The following PEAK1 variants were observed in gnomAD, a reference collection of about 807,000 sequenced individuals.
PEAK1 encodes the protein pseudopodium enriched atypical kinase 1.
In PEAK1, 54 loss-of-function variants were observed where a neutral mutation model predicts 124.7. That is an observed-to-expected ratio of 0.43 (90% CI 0.35 to 0.54). The LOEUF (loss-of-function observed/expected upper bound fraction) is 0.54, where lower values mean the gene tolerates loss of function less well. PEAK1 is among the 20% of genes least tolerant of loss of function. The pLI is 0.01. For synonymous variants in PEAK1, 719 were observed against 760.0 expected, an observed-to-expected ratio of 0.95 and a Z score of 0.89; for missense variants, 2,046 against 2,134.5, an observed-to-expected ratio of 0.96 and a Z score of 0.82.
At chr15:77,332,933 G>T in intron 2 of PEAK1, 1 of 351,000 alleles carries the variant, frequency 2.8e-6, no homozygotes, top group Non-Finnish European at 4.0e-6. Context: ...ACATTTATTG[G>T]TTGATTTTGT....
At chr15:77,364,271 A>T (rs2068082195) in intron 2 of PEAK1, among the ~76,000 whole-genome samples, 1 of 152,198 alleles carries the variant, frequency 6.6e-6, no homozygotes. Context: ...AATATAATAA[A>T]AACTATTGAA....
chr15:77,391,305 C>T (rs553733265), intron 1 of PEAK1, among the ~76,000 whole-genome samples: 1 of 152,140 alleles, frequency 6.6e-6, no homozygotes, highest in South Asian at 2.1e-4. Context: ...ACATACCATT[C>T]ATTCAACAGT....
At chr15:77,357,542 G>A (rs1370848945) in intron 2 of PEAK1, among the ~76,000 whole-genome samples, 1 of 152,024 alleles carries the variant, frequency 6.6e-6, no homozygotes, top group Non-Finnish European at 1.5e-5. Context: ...CCAAAGTGCT[G>A]GAATTACAGG....
intron 6 of PEAK1, among the ~76,000 whole-genome samples, chr15:77,251,756 C>T (rs751872071): frequency 1.3e-5 from 2 of 150,770 alleles, no homozygotes; most frequent in Non-Finnish European, 1.5e-5. Context: ...TGTGAATGTA[C>T]TGTTGCCATG....
intron 2 of PEAK1, among the ~76,000 whole-genome samples, chr15:77,356,863 G>T (rs1460938646): frequency 6.6e-6 from 1 of 152,188 alleles, no homozygotes; most frequent in African/African-American, 2.4e-5. Context: ...CTAAATGCTG[G>T]TTACATAAAT....
chr15:77,404,774 G>A, intron 1 of PEAK1: 1 of 967,672 alleles, frequency 1.0e-6, no homozygotes, highest in African/African-American at 1.8e-5. Context: ...AAAAAGAGCA[G>A]GTTATCAGAT....
chr15:77,206,012 T>G (rs867881841), intron 6 of PEAK1, among the ~76,000 whole-genome samples: 1,742 of 124,072 alleles, frequency 0.014, 33 homozygotes, highest in African/African-American at 0.049. Flanking sequence ...GAGTGTGATA[T>G]TCCCCTTCCT....
chr15:77,145,293 C>CA (rs2054095280), intron 8 of PEAK1, among the ~76,000 whole-genome samples: 1 of 152,014 alleles, frequency 6.6e-6, no homozygotes, highest in South Asian at 2.1e-4. Flanking sequence ...CACTAAAATA[C>CA]AAAAAATTAG....
intron 1 of PEAK1, among the ~76,000 whole-genome samples, chr15:77,389,028 T>A (rs2070221088): frequency 1.3e-5 from 2 of 151,220 alleles, no homozygotes; most frequent in South Asian, 2.1e-4. Context: ...AATGGTGCTA[T>A]CTTGGCTCAC....
intron 9 of PEAK1, among the ~76,000 whole-genome samples, chr15:77,131,430 T>C (rs933842289): frequency 3.3e-5 from 5 of 152,100 alleles, no homozygotes; most frequent in African/African-American, 1.2e-4. Flanking sequence ...GAGGCAGAGG[T>C]TGCTGTGAGC....
chr15:77,263,996 C>G (rs1055989509), intron 5 of PEAK1, among the ~76,000 whole-genome samples: 1 of 151,846 alleles, frequency 6.6e-6, no homozygotes, highest in Non-Finnish European at 1.5e-5. Context: ...ACAGAACCAA[C>G]GACAAAAACC....
intron 6 of PEAK1, among the ~76,000 whole-genome samples, chr15:77,186,073 CA>C (rs1286453304): frequency 6.6e-6 from 1 of 152,024 alleles, no homozygotes; most frequent in Admixed American, 6.5e-5. Flanking sequence ...CTCAGAAAAG[CA>C]TAAAGAAAAT....
At chr15:77,314,853 G>GA (rs1403073895) in intron 2 of PEAK1, among the ~76,000 whole-genome samples, 3 of 152,084 alleles carry the variant, frequency 2.0e-5, no homozygotes, top group Non-Finnish European at 4.4e-5. Flanking sequence ...AAAAAAACTT[G>GA]AAAATAGTAA....
intron 8 of PEAK1, among the ~76,000 whole-genome samples, chr15:77,151,356 T>G (rs545096576): frequency 8.6e-5 from 13 of 151,970 alleles, no homozygotes; most frequent in East Asian, 7.8e-4. Context: ...TTTTTGATGG[T>G]GTTGTTTTCT....
chr15:77,296,787 G>A (rs2063508670), intron 2 of PEAK1, among the ~76,000 whole-genome samples: 1 of 151,584 alleles, frequency 6.6e-6, no homozygotes, highest in Non-Finnish European at 1.5e-5. Context: ...CATGTTTAAA[G>A]AGGCCCATAT....
chr15:77,325,508 A>C (rs2153024590), intron 2 of PEAK1, among the ~76,000 whole-genome samples: 1 of 152,250 alleles, frequency 6.6e-6, no homozygotes, highest in Admixed American at 6.5e-5. Context: ...GGTGGAACTC[A>C]GCTGTCAAGC....
At chr15:77,204,904 A>G in intron 6 of PEAK1, 1 of 185,806 alleles carries the variant, frequency 5.4e-6, no homozygotes, top group Non-Finnish European at 1.1e-5. Context: ...ACTCTGTCCA[A>G]AAAAAAAGGC....
chr15:77,240,033 T>A (rs1263804849), intron 6 of PEAK1: 1 of 175,580 alleles, frequency 5.7e-6, no homozygotes, highest in East Asian at 1.9e-4. Context: ...AACTTTAGTG[T>A]CTTCCAGGCA....
intron 2 of PEAK1, among the ~76,000 whole-genome samples, chr15:77,319,880 T>G (rs1007449897): frequency 1.3e-5 from 2 of 152,208 alleles, no homozygotes; most frequent in African/African-American, 4.8e-5. Flanking sequence ...CTTTGTTTAC[T>G]TTCTTCATTT....
Sources: gnomAD v4.1 joint callset for allele counts (sites outside exome capture counted in the v4.1 genomes callset) on GRCh38, gnomAD v4.1.1 for gene constraint, MANE v1.5 for transcripts, NCBI Gene and HGNC (gene_info 2026-07-23, HGNC 2026-07-21) for gene names.